The following LRRC4C variants were observed in gnomAD, a reference collection of about 807,000 sequenced individuals.
LRRC4C encodes leucine-rich repeat-containing protein 4C.
In LRRC4C, 5 loss-of-function variants were observed where a neutral mutation model predicts 33.6. That is an observed-to-expected ratio of 0.15 (90% CI 0.08 to 0.31). LRRC4C has a LOEUF of 0.31. Among genes scored for constraint, LRRC4C ranks in the 10% least tolerant of loss-of-function variants. The pLI, the probability that LRRC4C is intolerant of heterozygous loss-of-function variation, is 1.00. For synonymous variants in LRRC4C, 329 were observed against 302.0 expected (o/e 1.09, Z -0.93); for missense variants, 560 against 796.7 (o/e 0.70, Z 3.58).
At chr11:40,930,346 ACTGGAGCCTATTGCT>A (rs1476731910) in intron 2 of LRRC4C, among the ~76,000 whole-genome samples, 1 of 152,136 alleles carries the variant, frequency 6.6e-6, no homozygotes, top group Non-Finnish European at 1.5e-5. Context: ...CAAAGTGGGG[ACTGGAGCCTATTGCT>A]CTAGCCTTTA....
rs369918689 is a variant in LRRC4C at position 40,519,123 on chromosome 11, G to A, written c.-270+129019C>T. Among the ~76,000 whole-genome samples the A allele has an allele frequency of 7.9e-5, 12 of 152,202 alleles. No individual in the cohort carries two copies. In the East Asian group the frequency reaches 1.9e-3, roughly 25 times the overall value. On this transcript the variant is annotated intron_variant, in intron 3 of 6. Coordinates refer to ENST00000528697, the MANE Select transcript of LRRC4C (RefSeq NM_001258419.2). The stretch of plus-strand genomic sequence containing the variant: ...GGAGCTAGGGGAGGGATAGCATTAG[G>A]AGAAATATCTAATGTAGGTGATGGG...
At chr11:40,377,231 T>C (rs760246366) in intron 3 of LRRC4C, among the ~76,000 whole-genome samples, 2 of 152,142 alleles carry the variant, frequency 1.3e-5, no homozygotes, top group Non-Finnish European at 2.9e-5. Context: ...ACAATGATTA[T>C]CCACTAGTGG....
intron 2 of LRRC4C, among the ~76,000 whole-genome samples, chr11:40,655,388 A>T (rs912890888): frequency 1.3e-5 from 2 of 152,236 alleles, no homozygotes; most frequent in South Asian, 4.1e-4. Context: ...GTTTAATATC[A>T]ACCTGGAAGA....
At chr11:40,726,153 A>C (rs1947282843) in intron 2 of LRRC4C, among the ~76,000 whole-genome samples, 1 of 147,870 alleles carries the variant, frequency 6.8e-6, no homozygotes, top group Admixed American at 6.7e-5. Flanking sequence ...GTAATTTAAA[A>C]ACCTATCAAC....
In LRRC4C at chr11:40,340,509, A is replaced by G. The variant is rs1946819229; in HGVS notation, c.-269-20788T>C. On this transcript the variant is annotated intron_variant, in intron 3 of 6. Coordinates refer to ENST00000528697, the MANE Select transcript of LRRC4C (RefSeq NM_001258419.2). ...ACTGAGGCTAAGGGATACATTTGGAATATAATATTAATATGTATAAGTATA... is the reference window on the plus strand; with the variant it reads ...ACTGAGGCTAAGGGATACATTTGGAGTATAATATTAATATGTATAAGTATA... Among the ~76,000 whole-genome samples the G allele has an allele frequency of 2.6e-5, 4 of 152,304 alleles. No individual in the cohort carries two copies. In the South Asian group the frequency reaches 8.3e-4, roughly 32 times the overall value.
chr11:40,986,662 G>C (rs1243252436), intron 1 of LRRC4C, among the ~76,000 whole-genome samples: 1 of 152,006 alleles, frequency 6.6e-6, no homozygotes, highest in Non-Finnish European at 1.5e-5. Flanking sequence ...CTGGCGATAT[G>C]ATTTTATAAT....
chr11:40,623,511 G>A (rs1289927643), intron 3 of LRRC4C, among the ~76,000 whole-genome samples: 2 of 151,892 alleles, frequency 1.3e-5, no homozygotes, highest in African/African-American at 2.4e-5. Flanking sequence ...TGTTTGGAAG[G>A]CCTAAAGTAA....
At chr11:40,374,442 T>C (rs541313114) in intron 3 of LRRC4C, among the ~76,000 whole-genome samples, 26 of 152,220 alleles carry the variant, frequency 1.7e-4, no homozygotes, top group Non-Finnish European at 2.9e-4. Flanking sequence ...ATTTATAATT[T>C]CTTACTGAGT....
rs1855387737 is a variant in LRRC4C, at chr11:40,115,813, A to G, written c.480T>C (p.Ile160=). ...LKELWLRNNP[I]ESIPSYAFNR... ...TAAAAGCATAAGAAGGGATGCTTTC[A>G]ATGGGGTTGTTTCGCAACCAGAGCT... Residue 160 remains isoleucine, a synonymous_variant, in exon 7 of 7, where the codon ATT becomes ATC. Coordinates refer to ENST00000528697, the MANE Select transcript of LRRC4C (RefSeq NM_001258419.2). The surrounding 1 kb of genome is among the most constrained non-coding windows in gnomAD (Gnocchi z 6.7). The G allele has an allele frequency of 6.2e-7, 1 of 1,614,170 alleles. No homozygotes were observed. Among genetic ancestry groups the G allele is most frequent in the Non-Finnish European group, 8.5e-7 (1 of 1,180,024 alleles).
At chr11:40,546,006 G>A (rs893078045) in intron 3 of LRRC4C, among the ~76,000 whole-genome samples, 6 of 152,048 alleles carry the variant, frequency 3.9e-5, no homozygotes, top group Non-Finnish European at 8.8e-5. Context: ...AGTCAGAAAT[G>A]TGATGGCAAA....
chr11:41,373,816 T>C (rs1030904728), intron 1 of LRRC4C, among the ~76,000 whole-genome samples: 1 of 152,170 alleles, frequency 6.6e-6, no homozygotes, highest in East Asian at 1.9e-4. Flanking sequence ...AGCAAAGAAA[T>C]AGAATTTTCA....
At chr11:41,313,258 A>G (rs924670387) in intron 1 of LRRC4C, among the ~76,000 whole-genome samples, 1 of 152,148 alleles carries the variant, frequency 6.6e-6, no homozygotes, top group African/African-American at 2.4e-5. Flanking sequence ...GTTTCTTCTC[A>G]TGGCTGTATT....
chr11:41,209,541 A>C (rs1488983434), intron 1 of LRRC4C, among the ~76,000 whole-genome samples: 1 of 151,766 alleles, frequency 6.6e-6, no homozygotes, highest in Non-Finnish European at 1.5e-5. Context: ...GCTACTCGGG[A>C]AGCTGAGGCA....
intron 4 of LRRC4C, among the ~76,000 whole-genome samples, chr11:40,309,036 A>C (rs957087878): frequency 6.6e-6 from 1 of 152,210 alleles, no homozygotes; most frequent in African/African-American, 2.4e-5. Context: ...AGCCCTCACC[A>C]GAGTCACCCT....
intron 1 of LRRC4C, among the ~76,000 whole-genome samples, chr11:41,040,772 A>G (rs1857383397): frequency 6.6e-6 from 1 of 152,118 alleles, no homozygotes; most frequent in Non-Finnish European, 1.5e-5. Flanking sequence ...TATTGACTCA[A>G]CTCAATCCAA....
At chr11:40,533,195 G>A (rs1956340339) in intron 3 of LRRC4C, among the ~76,000 whole-genome samples, 2 of 151,982 alleles carry the variant, frequency 1.3e-5, no homozygotes, top group South Asian at 2.1e-4. Context: ...CTGAAATAGT[G>A]GTTTGCATTT....
chr11:40,135,845 G>A (rs1013129785), intron 6 of LRRC4C, among the ~76,000 whole-genome samples: 1 of 152,088 alleles, frequency 6.6e-6, no homozygotes, highest in Non-Finnish European at 1.5e-5. Context: ...CTATGCCAAA[G>A]GCATACCGCA....
intron 1 of LRRC4C, among the ~76,000 whole-genome samples, chr11:41,254,205 G>A (rs1014425483): frequency 1.3e-5 from 2 of 151,944 alleles, no homozygotes; most frequent in African/African-American, 4.8e-5. Flanking sequence ...GGCATGGGAG[G>A]CATTTTACTT....
At chr11:41,395,446 T>G (rs564578371) in intron 1 of LRRC4C, among the ~76,000 whole-genome samples, 6 of 152,080 alleles carry the variant, frequency 3.9e-5, no homozygotes, top group Admixed American at 3.3e-4. Flanking sequence ...TGTGGCAACA[T>G]AGATTATGAT....
Sources: gnomAD v4.1 joint callset for allele counts (sites outside exome capture counted in the v4.1 genomes callset) on GRCh38, gnomAD v4.1.1 for gene constraint, Gnocchi (gnomAD v3.1) non-coding constraint, MANE v1.5 for transcripts, NCBI Gene and HGNC (gene_info 2026-07-23, HGNC 2026-07-21) for gene names.